Variants in DOCK1 observed in about 807,000 individuals in gnomAD.
DOCK1 encodes the protein dedicator of cytokinesis 1.
A neutral mutation model predicts 262.7 loss-of-function variants in DOCK1; 138 were observed. The ratio of observed to expected loss-of-function variants is 0.53; its 90% CI spans 0.46 to 0.61. The LOEUF (loss-of-function observed/expected upper bound fraction) is 0.61, where lower values mean the gene tolerates loss of function less well. DOCK1 is among the 20% of genes least tolerant of loss of function. The probability of loss-of-function intolerance (pLI) is 0.00; values close to 1 mark genes in which losing one functional copy is unlikely to be tolerated. For synonymous variants in DOCK1, 866 were observed against 867.4 expected, an observed-to-expected ratio of 1.00 and a Z score of 0.03; for missense variants, 1,908 against 2,370.7, an observed-to-expected ratio of 0.80 and a Z score of 4.05.
At chr10:127,363,498 T>G (rs1481949210) in intron 33 of DOCK1, among the ~76,000 whole-genome samples, 2 of 151,990 alleles carry the variant, frequency 1.3e-5, no homozygotes, top group Non-Finnish European at 2.9e-5. Flanking sequence ...ATATTAAAAA[T>G]TATTATAGCA....
At chr10:127,042,948 C>A in intron 20 of DOCK1, 116 bp from the exon 21 acceptor site, 1 of 901,152 alleles carries the variant, frequency 1.1e-6, no homozygotes, top group South Asian at 1.8e-5. Flanking sequence ...CCACCAACTT[C>A]TATCTGAAAA....
intron 27 of DOCK1, among the ~76,000 whole-genome samples, chr10:127,196,761 GCCGCCGGCTGCCGCCTGCGCGCGGGGCT>G (rs2057201183): frequency 6.6e-6 from 1 of 151,910 alleles, no homozygotes; most frequent in South Asian, 2.1e-4. Flanking sequence ...GCCGCCGGCT[GCCGCCGGCTGCCGCCTGCGCGCGGGGCT>G]CCGCCACAGC....
At chr10:127,318,404 G>A (rs1448821361) in intron 29 of DOCK1, among the ~76,000 whole-genome samples, 1 of 152,190 alleles carries the variant, frequency 6.6e-6, no homozygotes, top group African/African-American at 2.4e-5. Flanking sequence ...GAGTGTGTGA[G>A]GAGACGAGTA....
At chr10:126,906,356 C>T (rs899230467) in intron 1 of DOCK1, among the ~76,000 whole-genome samples, 8 of 152,132 alleles carry the variant, frequency 5.3e-5, no homozygotes, top group African/African-American at 1.7e-4. Context: ...CGCGTGGGAC[C>T]CGCATCCTTG....
chr10:126,919,772 C>G (rs2032987136), intron 1 of DOCK1, among the ~76,000 whole-genome samples: 1 of 152,218 alleles, frequency 6.6e-6, no homozygotes, highest in Non-Finnish European at 1.5e-5. Flanking sequence ...GGCTCCGTGT[C>G]CCCTGCTAGA....
At chr10:127,043,519 C>T (rs1471136490) in intron 21 of DOCK1, among the ~76,000 whole-genome samples, 2 of 152,210 alleles carry the variant, frequency 1.3e-5, no homozygotes, top group Non-Finnish European at 2.9e-5. Context: ...CATGTGTTCC[C>T]GTGTTAAGGA....
intron 27 of DOCK1, among the ~76,000 whole-genome samples, chr10:127,226,271 A>G (rs986855747): frequency 7.2e-5 from 11 of 152,098 alleles, no homozygotes; most frequent in Admixed American, 6.5e-4. Flanking sequence ...AAATTGATTT[A>G]TACTCCTTAG....
chr10:127,175,449 G>A lies in DOCK1; in HGVS notation c.2847+47685G>A, dbSNP rs1483094838. On this transcript the variant is annotated intron_variant, in intron 27 of 51. Coordinates refer to ENST00000623213, the MANE Select transcript of DOCK1 (RefSeq NM_001290223.2). This position sits in a 1 kb window ranked among gnomAD's most constrained non-coding sequence, Gnocchi z 6.3. ...CTGCGACGGCTGCTCACTACATTCG[G>A]GGGACAGGCACTGCATCGGGGGTGA... 2 of 1,611,668 alleles carry A rather than the reference G, an allele frequency of 1.2e-6. No individual in the cohort carries two copies. Among genetic ancestry groups the A allele is most frequent in the Middle Eastern group, 1.6e-4 (1 of 6,084 alleles).
chr10:127,247,560 C>T (rs2059474169), intron 27 of DOCK1, among the ~76,000 whole-genome samples: 1 of 152,156 alleles, frequency 6.6e-6, no homozygotes, highest in African/African-American at 2.4e-5. Context: ...TGATTTCCAT[C>T]CTGTCTTTAA....
intron 31 of DOCK1, among the ~76,000 whole-genome samples, chr10:127,352,695 C>G (rs576461423): frequency 6.6e-6 from 1 of 152,250 alleles, no homozygotes; most frequent in South Asian, 2.1e-4. Flanking sequence ...CAGGTTCAAG[C>G]AATTCTTCTG....
intron 7 of DOCK1, 33 bp downstream of exon 7, chr10:126,996,916 T>C: frequency 1.3e-6 from 2 of 1,540,036 alleles, no homozygotes; most frequent in African/African-American, 1.4e-5. Flanking sequence ...CCATTCACGT[T>C]TTCTCAGTAA....
chr10:127,182,317 C>G (rs11016679), intron 27 of DOCK1, among the ~76,000 whole-genome samples: 4 of 152,124 alleles, frequency 2.6e-5, no homozygotes, highest in Non-Finnish European at 5.9e-5. Flanking sequence ...ACAAAAAAAC[C>G]TATGGTCAGT....
chr10:127,135,100 A>G lies in DOCK1; in HGVS notation c.2847+7336A>G, dbSNP rs552793820. Among the ~76,000 whole-genome samples the G allele has an allele frequency of 1.5e-4, 23 of 152,252 alleles. 1 individual carries two copies. The South Asian group carries it at 4.6e-3, about 30-fold the overall frequency. Reference sequence around the variant, plus strand: ...CCACAGTGTACTGTGGCAACACTCAATGTATTTAGCCATTTCTTCTGAGGT... The same window carrying G: ...CCACAGTGTACTGTGGCAACACTCAGTGTATTTAGCCATTTCTTCTGAGGT... On this transcript the variant is annotated intron_variant, in intron 27 of 51. Transcript: ENST00000623213.
chr10:126,942,473 G>A (rs1333226611), intron 1 of DOCK1, among the ~76,000 whole-genome samples: 3 of 152,162 alleles, frequency 2.0e-5, no homozygotes, highest in Non-Finnish European at 4.4e-5. Flanking sequence ...TCATTTGGGA[G>A]CAGGTTGGCA....
At position 127,374,041 on chromosome 10, in the gene DOCK1, G is replaced by A. The variant is rs1198102447; in HGVS notation, c.3519-17G>A. 4.4e-6 allele frequency: 7 copies of A among 1,598,386 alleles called. No homozygotes were observed. Among genetic ancestry groups the A allele is most frequent in the Non-Finnish European group, 6.0e-6 (7 of 1,173,162 alleles). The stretch of plus-strand genomic sequence containing the variant: ...TTTCTGAGTGTGATTAACAAGGTGT[G>A]TATAATTATTTTTCAGCCTTCTGGA... On this transcript the variant is annotated splice_polypyrimidine_tract_variant and intron_variant, in intron 34 of 51. Coordinates refer to ENST00000623213, the MANE Select transcript of DOCK1 (RefSeq NM_001290223.2).
At chr10:127,008,931 C>G (rs2135269968) in intron 11 of DOCK1, 127 bp downstream of exon 11, 3 of 965,656 alleles carry the variant, frequency 3.1e-6, no homozygotes, top group African/African-American at 1.7e-5. Context: ...TATGAAAAAC[C>G]TCTTTAGTCA....
chr10:127,122,629 A>ATT lies in DOCK1; in HGVS notation c.2624-2830_2624-2829dup, dbSNP rs34009633. ...CTGGTCTATCAGGATGGTTATAACA[A>ATT]TTTTTTTTTTTTTTTTACATCTTCT... On this transcript the variant is annotated intron_variant, in intron 25 of 51. Transcript: ENST00000623213. Among the ~76,000 whole-genome samples the ATT allele has an allele frequency of 6.9e-3, 1,003 of 144,662 alleles. 11 individuals carry two copies. The highest frequency in any genetic ancestry group is 0.031 in the East Asian group (153 of 4,904). The allele number at this position is 144,662 out of a possible 152,430, so 94.9% of individuals were successfully genotyped here. A position where few individuals can be genotyped will look rare whatever the true frequency, so the allele number is the denominator to read the frequency against.
chr10:127,165,852 C>G (rs901082659), intron 27 of DOCK1, among the ~76,000 whole-genome samples: 2 of 152,118 alleles, frequency 1.3e-5, no homozygotes, highest in Non-Finnish European at 2.9e-5. Flanking sequence ...ATTACAGATC[C>G]TTCCCAATAC....
At chr10:126,975,871 G>A (rs1412625878) in intron 2 of DOCK1, among the ~76,000 whole-genome samples, 1 of 151,714 alleles carries the variant, frequency 6.6e-6, no homozygotes, top group Non-Finnish European at 1.5e-5. Flanking sequence ...TGCCCTCTTC[G>A]GCTGCCCAAA....
Sources: allele counts gnomAD v4.1 joint callset (sites outside exome capture counted in the v4.1 genomes callset), GRCh38; gene constraint gnomAD v4.1.1; non-coding constraint Gnocchi (gnomAD v3.1); transcripts MANE v1.5; gene names NCBI Gene and HGNC (gene_info 2026-07-23, HGNC 2026-07-21).